Variants in GRIP1 observed in about 807,000 individuals in gnomAD.
The protein encoded by GRIP1 is glutamate receptor interacting protein 1, also known as glutamate receptor-interacting protein 1.
GRIP1 carries 45 observed loss-of-function variants against 129.9 expected under a neutral mutation model. The observed-to-expected ratio is 0.35, with a 90% CI of 0.27 to 0.44. GRIP1 has a LOEUF of 0.44. GRIP1 is among the 20% of genes least tolerant of loss of function. GRIP1 has a pLI of 1.00. For synonymous variants in GRIP1, 530 were observed against 520.8 expected, an observed-to-expected ratio of 1.02 and a Z score of -0.24; for missense variants, 1,196 against 1,396.8, an observed-to-expected ratio of 0.86 and a Z score of 2.29.
chr12:67,062,215 T>C (rs2043548181), intron 1 of GRIP1, among the ~76,000 whole-genome samples: 1 of 152,224 alleles, frequency 6.6e-6, no homozygotes, highest in Non-Finnish European at 1.5e-5. Context: ...CTCTTTAACC[T>C]GGCATACGAA....
chr12:66,736,694 T>C (rs1355084503), intron 1 of GRIP1, among the ~76,000 whole-genome samples: 1 of 151,972 alleles, frequency 6.6e-6, no homozygotes, highest in African/African-American at 2.4e-5. Context: ...GGGTCAACTA[T>C]ATTTTAAATG....
At chr12:66,783,467 G>A (rs1240964804) in intron 1 of GRIP1, among the ~76,000 whole-genome samples, 5 of 152,154 alleles carry the variant, frequency 3.3e-5, no homozygotes, top group African/African-American at 4.8e-5. Flanking sequence ...AGTGGCACCC[G>A]CATTTTCCTC....
At chr12:66,799,462 T>C (rs2038797062) in intron 1 of GRIP1, among the ~76,000 whole-genome samples, 1 of 152,166 alleles carries the variant, frequency 6.6e-6, no homozygotes, top group South Asian at 2.1e-4. Context: ...AGTCTGATGA[T>C]CCCACTATTT....
intron 1 of GRIP1, among the ~76,000 whole-genome samples, chr12:67,035,837 AAACT>A (rs1406098964): frequency 6.6e-6 from 1 of 152,154 alleles, no homozygotes; most frequent in Non-Finnish European, 1.5e-5. Context: ...TCATCCTGAC[AAACT>A]ATCTATTTAC....
chr12:66,829,587 T>C (rs1410121291), intron 1 of GRIP1, among the ~76,000 whole-genome samples: 1 of 152,298 alleles, frequency 6.6e-6, no homozygotes, highest in Non-Finnish European at 1.5e-5. Context: ...CTCCCTCCAC[T>C]ACCCACTTGC....
At chr12:67,058,579 C>T (rs1290479815) in intron 1 of GRIP1, among the ~76,000 whole-genome samples, 1 of 152,160 alleles carries the variant, frequency 6.6e-6, no homozygotes, top group Non-Finnish European at 1.5e-5. Flanking sequence ...TGTGTTCATA[C>T]GTTTGCCGAT....
rs532326825 is a variant in GRIP1, at chr12:66,704,631, A to T, written c.-419-74295T>A. On this transcript the variant is annotated intron_variant, in intron 1 of 4. Coordinates refer to the GRIP1 transcript ENST00000538373. ...CACTCTGCAGAATGTGTACCCCTAC[A>T]GGTGGCAGGAAAGAGGTTAACAGAG... Among the ~76,000 whole-genome samples, 193 of 152,234 alleles carry T rather than the reference A, an allele frequency of 1.3e-3. 1 individual carries two copies. Among genetic ancestry groups the T allele is most frequent in the African/African-American group, 4.5e-3 (187 of 41,566 alleles).
chr12:66,420,677 T>A (rs762101370), intron 15 of GRIP1, 43 bp downstream of exon 15: 1 of 1,060,906 alleles, frequency 9.4e-7, no homozygotes, highest in African/African-American at 1.5e-5. Flanking sequence ...TTACTTAAAT[T>A]AAGAGAGGCC....
chr12:66,395,635 A>G (rs1176203706), intron 16 of GRIP1, among the ~76,000 whole-genome samples: 1 of 152,170 alleles, frequency 6.6e-6, no homozygotes, highest in Admixed American at 6.6e-5. Context: ...GGAGTTTTGA[A>G]TGCAGCCATT....
At chr12:66,817,956 G>T (rs552990070) in intron 1 of GRIP1, among the ~76,000 whole-genome samples, 3 of 152,284 alleles carry the variant, frequency 2.0e-5, no homozygotes, top group Non-Finnish European at 4.4e-5. Flanking sequence ...AGTATAGAAA[G>T]AAAATCTGAA....
chr12:66,578,637 A>T (rs533269516), intron 2 of GRIP1, among the ~76,000 whole-genome samples: 1 of 152,338 alleles, frequency 6.6e-6, no homozygotes, highest in Non-Finnish European at 1.5e-5. Flanking sequence ...TCCTATGCCC[A>T]CGGAGTCTCG....
intron 2 of GRIP1, among the ~76,000 whole-genome samples, chr12:66,596,321 CAT>C (rs2064048462): frequency 6.6e-6 from 1 of 152,102 alleles, no homozygotes; most frequent in South Asian, 2.1e-4. Flanking sequence ...GTTGGAAAGA[CAT>C]ATATATGACT....
chr12:66,389,001 A>C (rs1429497821), intron 19 of GRIP1, among the ~76,000 whole-genome samples: 1 of 152,182 alleles, frequency 6.6e-6, no homozygotes, highest in Non-Finnish European at 1.5e-5. Flanking sequence ...GTTGCTGCAA[A>C]GACATCGATT....
intron 1 of GRIP1, among the ~76,000 whole-genome samples, chr12:66,693,465 G>T (rs758094613): frequency 6.6e-6 from 1 of 152,084 alleles, no homozygotes; most frequent in Non-Finnish European, 1.5e-5. Flanking sequence ...GTCCCCACTA[G>T]GGTTCCTTCA....
intron 1 of GRIP1, among the ~76,000 whole-genome samples, chr12:66,976,633 C>T (rs2042156044): frequency 6.6e-6 from 1 of 152,114 alleles, no homozygotes; most frequent in African/African-American, 2.4e-5. Context: ...ATATTTAAAG[C>T]AAAATCTACA....
intron 1 of GRIP1, among the ~76,000 whole-genome samples, chr12:66,892,599 C>T (rs2040680122): frequency 6.7e-6 from 1 of 149,922 alleles, no homozygotes; most frequent in Admixed American, 6.7e-5. Flanking sequence ...TATATATACA[C>T]ATATATACAC....
At chr12:66,566,541 T>G (rs987890496) in intron 2 of GRIP1, among the ~76,000 whole-genome samples, 1 of 152,198 alleles carries the variant, frequency 6.6e-6, no homozygotes, top group South Asian at 2.1e-4. Context: ...ATTGAGGATT[T>G]TTGCATTGAT....
chr12:66,670,880 C>T (rs2034047859), intron 1 of GRIP1, among the ~76,000 whole-genome samples: 2 of 152,100 alleles, frequency 1.3e-5, no homozygotes, highest in African/African-American at 4.8e-5. Context: ...AGTTTCATAG[C>T]CCTTATATCT....
At chr12:67,014,716 G>GA (rs1333940710) in intron 1 of GRIP1, among the ~76,000 whole-genome samples, 10 of 150,326 alleles carry the variant, frequency 6.7e-5, no homozygotes, top group South Asian at 6.3e-4. Flanking sequence ...AATAATCTGG[G>GA]AAAAAAAAAG....
Sources: gnomAD v4.1 joint callset for allele counts (sites outside exome capture counted in the v4.1 genomes callset) on GRCh38, gnomAD v4.1.1 for gene constraint, MANE v1.5 for transcripts, NCBI Gene and HGNC (gene_info 2026-07-23, HGNC 2026-07-21) for gene names.